QPCTL: variants seen among roughly 807,000 people sequenced by gnomAD.
QPCTL encodes glutaminyl-peptide cyclotransferase-like protein.
QPCTL carries 31 observed loss-of-function variants against 34.6 expected under a neutral mutation model. That is an observed-to-expected ratio of 0.90 (90% confidence interval 0.67 to 1.21). QPCTL has a LOEUF of 1.21. Among genes scored for constraint, QPCTL ranks in the 50% most tolerant of loss-of-function variants. The pLI is 0.00. For synonymous variants in QPCTL, 223 were observed against 226.9 expected, an observed-to-expected ratio of 0.98 and a Z score of 0.15; for missense variants, 474 against 507.8, an observed-to-expected ratio of 0.93 and a Z score of 0.64.
chr19:45,692,670 C>T lies in QPCTL; in HGVS notation c.-34C>T. 1 of 1,462,856 alleles carries T rather than the reference C, an allele frequency of 6.8e-7. No individual in the cohort carries two copies. Among genetic ancestry groups the T allele is most frequent in the Non-Finnish European group, 9.1e-7 (1 of 1,098,842 alleles). The allele number at this position is 1,462,856 out of a possible 1,614,324, so 90.6% of individuals were successfully genotyped here. A position where few individuals can be genotyped will look rare whatever the true frequency, so the allele number is the denominator to read the frequency against. ...AACTTGGCTGGGCCTAAACTCAATC[C>T]GTGGTCTGGTACAGGTTTCAGGGCA... On this transcript the variant is annotated 5_prime_UTR_variant, in exon 1 of 7. Transcript: ENST00000012049.
chr19:45,695,694 G>A lies in QPCTL; in HGVS notation c.609G>A (p.Leu203=). 6.2e-7 allele frequency: 1 copy of A among 1,612,218 alleles called. No homozygotes were observed. The highest frequency in any genetic ancestry group is 1.1e-5 in the South Asian group (1 of 91,052). ...LLLELAQALD[L]ELSRAKKQAA... is the part of the protein sequence containing the mutation. Reference sequence around the variant, plus strand: ...TGGAGCTGGCCCAAGCACTTGACCTGGAGCTGAGCAGGGCCAAAAAACAGG... The same window carrying A: ...TGGAGCTGGCCCAAGCACTTGACCTAGAGCTGAGCAGGGCCAAAAAACAGG... Residue 203 remains leucine, a synonymous_variant, in exon 3 of 7, where the codon CTG becomes CTA. Coordinates refer to ENST00000012049, the MANE Select transcript of QPCTL (RefSeq NM_017659.4).
intron 2 of QPCTL, 141 bp from the exon 3 acceptor site, chr19:45,695,296 A>C: frequency 1.3e-6 from 1 of 775,750 alleles, no homozygotes; most frequent in Non-Finnish European, 2.0e-6. Context: ...AAAAAAAAAA[A>C]GAAAGAAAGA....
In QPCTL at chr19:45,692,678, G is replaced by T; in HGVS notation, c.-26G>T. On this transcript the variant is annotated 5_prime_UTR_variant, in exon 1 of 7. Coordinates refer to ENST00000012049, the MANE Select transcript of QPCTL (RefSeq NM_017659.4). ...TGGGCCTAAACTCAATCCGTGGTCT[G>T]GTACAGGTTTCAGGGCAAAGCGGCC... is the stretch of plus-strand genomic sequence containing the variant. The T allele has an allele frequency of 6.7e-7, 1 of 1,501,678 alleles. No homozygotes were observed. Among genetic ancestry groups the T allele is most frequent in the Non-Finnish European group, 8.9e-7 (1 of 1,121,114 alleles). 93.0% of individuals were successfully genotyped at this position (1,501,678 alleles called of 1,614,324 possible).
chr19:45,697,044 T>C (rs10413338), intron 3 of QPCTL, among the ~76,000 whole-genome samples: 112,037 of 151,940 alleles, frequency 0.74, 41,527 homozygotes, highest in East Asian at 0.83. Context: ...CACTTGAAAC[T>C]GAGAGGCGGA....
chr19:45,700,330 A>G (rs1301115135), intron 5 of QPCTL, among the ~76,000 whole-genome samples: 1 of 151,502 alleles, frequency 6.6e-6, no homozygotes, highest in Non-Finnish European at 1.5e-5. Context: ...CTGTAGTCCT[A>G]GCTACTCCGG....
At position 45,693,687 on chromosome 19, in the gene QPCTL, C is replaced by A. The variant is rs550318238; in HGVS notation, c.351+131C>A. 13 of 1,297,092 alleles carry A rather than the reference C, an allele frequency of 1.0e-5. No individual in the cohort carries two copies. In the African/African-American group the frequency reaches 1.0e-4, roughly 10 times the overall value. The allele number at this position is 1,297,092 out of a possible 1,614,324, so 80.3% of individuals were successfully genotyped here. On this transcript the variant is annotated intron_variant, in intron 2 of 6. Coordinates refer to ENST00000012049, the MANE Select transcript of QPCTL (RefSeq NM_017659.4). ...TGACTGGAGTTAATCGGACTCTAGA[C>A]TCCATGCTGGTAACAAACCACCAGG...
rs375603605 is a variant in QPCTL, at chr19:45,703,092, G to C, written c.*43G>C. 1.2e-6 allele frequency: 2 copies of C among 1,611,654 alleles called. No homozygotes were observed. Among genetic ancestry groups the C allele is most frequent in the South Asian group, 1.1e-5 (1 of 90,990 alleles). ...TGTGGAGAGGACTGTGAGAGAGAAGGTCCCAGCGGGGGCCAGTGAAGCTCA... is the reference window on the plus strand; with the variant it reads ...TGTGGAGAGGACTGTGAGAGAGAAGCTCCCAGCGGGGGCCAGTGAAGCTCA... On this transcript the variant is annotated 3_prime_UTR_variant, in exon 7 of 7. Transcript: ENST00000012049.
At position 45,701,919 on chromosome 19, in the gene QPCTL, C is replaced by G. The variant is rs1967819457; in HGVS notation, c.1003+5C>G. On this transcript the variant is annotated splice_donor_5th_base_variant and intron_variant, in intron 6 of 6. Coordinates refer to ENST00000012049, the MANE Select transcript of QPCTL (RefSeq NM_017659.4). ...ACATCCCCTTCCTCCGCAGAGGTAC[C>G]AGCTGCAGGGAGGGATGGAGGGTGG... is the stretch of plus-strand genomic sequence containing the variant. 3 of 1,603,610 alleles carry G rather than the reference C, an allele frequency of 1.9e-6. No homozygotes were observed. Among genetic ancestry groups the G allele is most frequent in the Non-Finnish European group, 2.6e-6 (3 of 1,171,152 alleles).
chr19:45,695,830 G>C (rs183993453), intron 3 of QPCTL, 112 bp downstream of exon 3: 2 of 1,226,036 alleles, frequency 1.6e-6, no homozygotes, highest in South Asian at 1.6e-5. Context: ...TCTACTCCAC[G>C]CACAGAGCCA....
chr19:45,697,554 C>T (rs185563423), intron 3 of QPCTL, among the ~76,000 whole-genome samples: 12 of 152,296 alleles, frequency 7.9e-5, no homozygotes, highest in Admixed American at 7.2e-4. Context: ...CTCCTTGGCC[C>T]TTGCTAAACC....
chr19:45,703,017 G>A lies in QPCTL; in HGVS notation c.1117G>A (p.Ala373Thr), dbSNP rs370473683. The change falls in exon 7 of 7, where the codon GCT becomes ACT. Residue 373 changes from alanine to threonine, a missense_variant. By Grantham distance (58) the Ala-to-Thr change is moderately conservative. Coordinates refer to ENST00000012049, the MANE Select transcript of QPCTL (RefSeq NM_017659.4). Reference sequence around the variant, plus strand: ...GGTACACAACTTGTGCCGCATTCTCGCTGTGTTCCTGGCTGAATACCTGGG... The same window carrying A: ...GGTACACAACTTGTGCCGCATTCTCACTGTGTTCCTGGCTGAATACCTGGG... ...PTVHNLCRILAVFLAEYLGL is the reference protein window; with the variant it reads ...PTVHNLCRILTVFLAEYLGL The A allele has an allele frequency of 1.9e-5, 31 of 1,613,988 alleles. No individual in the cohort carries two copies. The highest frequency in any genetic ancestry group is 1.6e-4 in the Middle Eastern group (1 of 6,084).
intron 5 of QPCTL, 148 bp from the exon 6 acceptor site, chr19:45,701,646 TAGTG>T (rs1330222569): frequency 4.8e-6 from 3 of 627,662 alleles, no homozygotes; most frequent in Admixed American, 2.7e-5. Context: ...ACCAGGAACA[TAGTG>T]AGCCCACAGG....
At chr19:45,695,774 C>T (rs1967680086) in intron 3 of QPCTL, 56 bp downstream of exon 3, 2 of 1,500,176 alleles carry the variant, frequency 1.3e-6, no homozygotes, top group East Asian at 4.9e-5. Flanking sequence ...TCCCAAGCCC[C>T]CACCCTCCCT....
intron 3 of QPCTL, among the ~76,000 whole-genome samples, chr19:45,696,256 TCC>T (rs1226984480): frequency 5.2e-4 from 79 of 152,050 alleles, no homozygotes; most frequent in African/African-American, 1.9e-3. Flanking sequence ...CAGAGCTTGC[TCC>T]CACCTCAGGG....
At chr19:45,697,154 C>T (rs552910277) in intron 3 of QPCTL, among the ~76,000 whole-genome samples, 6 of 146,162 alleles carry the variant, frequency 4.1e-5, no homozygotes, top group East Asian at 2.1e-4. Context: ...AGGCCAGGTG[C>T]GGTGGCTCAC....
At chr19:45,697,542 C>T (rs1967722853) in intron 3 of QPCTL, among the ~76,000 whole-genome samples, 1 of 152,176 alleles carries the variant, frequency 6.6e-6, no homozygotes, top group South Asian at 2.1e-4. Flanking sequence ...ACAAAGCCCA[C>T]ACTCCTTGGC....
In QPCTL at chr19:45,703,210, TCTCAAGCTGCCACC is replaced by T; in HGVS notation, c.*164_*177del. ...TGGAAGACCTTCTTTCTTTTGATTG[TCTCAAGCTGCCACC>T]CTTCAAGGACAGGGAAGAGACCACT... On this transcript the variant is annotated 3_prime_UTR_variant, in exon 7 of 7. Transcript: ENST00000012049. The T allele has an allele frequency of 1.0e-6, 1 of 959,392 alleles. No individual in the cohort carries two copies. The highest frequency in any genetic ancestry group is 1.5e-6 in the Non-Finnish European group (1 of 655,386). 59.4% of individuals were successfully genotyped at this position (959,392 alleles called of 1,614,324 possible).
At chr19:45,700,057 C>T (rs927793478) in intron 5 of QPCTL, among the ~76,000 whole-genome samples, 7 of 151,828 alleles carry the variant, frequency 4.6e-5, no homozygotes, top group Middle Eastern at 3.4e-3. Context: ...GCTGTGATCA[C>T]ACCACTGCAC....
intron 6 of QPCTL, 34 bp from the exon 7 acceptor site, chr19:45,702,870 A>G: frequency 6.2e-7 from 1 of 1,613,336 alleles, no homozygotes; most frequent in Non-Finnish European, 8.5e-7. Flanking sequence ...GGTGGGCTGC[A>G]GTGGACCTGA....
Sources: allele counts gnomAD v4.1 joint callset (sites outside exome capture counted in the v4.1 genomes callset), GRCh38; gene constraint gnomAD v4.1.1; transcripts MANE v1.5; gene names NCBI Gene and HGNC (gene_info 2026-07-23, HGNC 2026-07-21).